EPB41: variants seen among roughly 807,000 people sequenced by gnomAD.
EPB41 encodes the protein protein 4.1.
EPB41 carries 65 observed loss-of-function variants against 108.0 expected under a neutral mutation model. That is an observed-to-expected ratio of 0.60 (90% CI 0.49 to 0.74). The LOEUF is 0.74. Ranked by LOEUF, EPB41 falls within the 30% of genes least tolerant of loss-of-function variation. The pLI is 0.00. For synonymous variants in EPB41, 336 were observed against 358.9 expected, an observed-to-expected ratio of 0.94 and a Z score of 0.72; for missense variants, 875 against 1,037.0, an observed-to-expected ratio of 0.84 and a Z score of 2.15.
chr1:29,008,624 A>G (rs991925361), intron 4 of EPB41, among the ~76,000 whole-genome samples: 1 of 152,182 alleles, frequency 6.6e-6, no homozygotes, highest in Admixed American at 6.5e-5. Context: ...CCCCCTGGCT[A>G]CAGTCATGCT....
chr1:29,063,366 G>A (rs749030228), intron 15 of EPB41, among the ~76,000 whole-genome samples: 1 of 152,142 alleles, frequency 6.6e-6, no homozygotes, highest in African/African-American at 2.4e-5. Context: ...CTATAGGATT[G>A]CCCTTTTGGA....
At chr1:29,052,153 A>T (rs1208851962) in intron 11 of EPB41, among the ~76,000 whole-genome samples, 1 of 152,226 alleles carries the variant, frequency 6.6e-6, no homozygotes, top group Non-Finnish European at 1.5e-5. Context: ...TGAAAAGATC[A>T]AGATTTTATC....
intron 16 of EPB41, among the ~76,000 whole-genome samples, chr1:29,083,275 C>G (rs144571105): frequency 6.6e-6 from 1 of 152,038 alleles, no homozygotes; most frequent in African/African-American, 2.4e-5. Flanking sequence ...AAAGGAAAGA[C>G]AGAATTTTAA....
rs1445200088 is a variant in EPB41, at chr1:29,035,876, A to G, written c.1416A>G (p.Ala472=). 3.7e-6 allele frequency: 6 copies of G among 1,614,030 alleles called. No homozygotes were observed. The highest frequency in any genetic ancestry group is 4.2e-6 in the Non-Finnish European group (5 of 1,179,992). The change falls in exon 10 of 21, where the codon GCA becomes GCG. Residue 472 remains alanine (A), a synonymous_variant. Coordinates refer to ENST00000343067, the MANE Select transcript of EPB41 (RefSeq NM_001376013.1). ...TIGFKLPSYR[A]AKKLWKVCVE... is the part of the protein sequence containing the mutation. ...GATTCAAACTTCCCAGTTACCGAGC[A>G]GCTAAGAAATTATGGAAAGTCTGTG...
intron 1 of EPB41, among the ~76,000 whole-genome samples, chr1:28,945,565 T>C (rs1347423493): frequency 6.6e-6 from 1 of 151,980 alleles, no homozygotes; most frequent in Non-Finnish European, 1.5e-5. Context: ...AAAAAAGGAG[T>C]TTCATAACTC....
intron 4 of EPB41, among the ~76,000 whole-genome samples, chr1:29,011,090 C>T (rs543297869): frequency 4.1e-5 from 6 of 146,070 alleles, no homozygotes; most frequent in African/African-American, 1.5e-4. Flanking sequence ...CGCCATTGCT[C>T]TCCAGCCTGG....
At chr1:28,991,501 C>T (rs1557939974) in intron 2 of EPB41, among the ~76,000 whole-genome samples, 1 of 151,482 alleles carries the variant, frequency 6.6e-6, no homozygotes, top group Non-Finnish European at 1.5e-5. Context: ...CCCCGGAGTT[C>T]GAGACCAACC....
intron 17 of EPB41, among the ~76,000 whole-genome samples, chr1:29,103,582 C>T (rs1026655173): frequency 3.3e-5 from 5 of 152,144 alleles, no homozygotes; most frequent in Non-Finnish European, 5.9e-5. Context: ...TATTATATTG[C>T]GTTGTTAAAC....
intron 16 of EPB41, among the ~76,000 whole-genome samples, chr1:29,087,032 C>T (rs531022403): frequency 5.3e-5 from 8 of 149,716 alleles, no homozygotes; most frequent in Non-Finnish European, 1.2e-4. Context: ...GCAAGCTCCG[C>T]CTCCTGGGTT....
chr1:28,902,281 G>A lies in EPB41; in HGVS notation c.-8+15071G>A, dbSNP rs1042939331. On this transcript the variant is annotated intron_variant, in intron 1 of 16. Coordinates refer to the EPB41 transcript ENST00000347529. ...TCTGATATTTTCTGCCAGGGCATCA[G>A]TTTCAATTGGAGTGCCCAAATCTTT... 4.1e-6 allele frequency: 4 copies of A among 985,318 alleles called. No individual in the cohort carries two copies. The African/African-American group carries it at 7.0e-5, about 17-fold the overall frequency. 61.0% of individuals were successfully genotyped at this position (985,318 alleles called of 1,614,324 possible). A position where few individuals can be genotyped will look rare whatever the true frequency, so the allele number is the denominator to read the frequency against.
chr1:28,969,670 C>A (rs912780616), intron 1 of EPB41, among the ~76,000 whole-genome samples: 6 of 151,890 alleles, frequency 4.0e-5, no homozygotes. Context: ...TAGGCTGAGG[C>A]GGGCGGATCA....
intron 2 of EPB41, among the ~76,000 whole-genome samples, chr1:28,991,509 A>G (rs2096017043): frequency 6.6e-6 from 1 of 151,676 alleles, no homozygotes. Context: ...TTCGAGACCA[A>G]CCTGGGCAAC....
chr1:29,016,301 G>A (rs1203278661), intron 6 of EPB41, among the ~76,000 whole-genome samples: 2 of 151,664 alleles, frequency 1.3e-5, no homozygotes, highest in East Asian at 1.9e-4. Flanking sequence ...TCAGCCTCCC[G>A]AGTAGCTGGG....
chr1:29,082,902 A>G (rs1051760060), intron 16 of EPB41, among the ~76,000 whole-genome samples: 1 of 152,206 alleles, frequency 6.6e-6, no homozygotes, highest in African/African-American at 2.4e-5. Context: ...TATAAAAACA[A>G]TGTTTGACAG....
At chr1:29,024,398 C>T (rs1158616316) in intron 7 of EPB41, among the ~76,000 whole-genome samples, 1 of 151,722 alleles carries the variant, frequency 6.6e-6, no homozygotes, top group Non-Finnish European at 1.5e-5. Flanking sequence ...CTTTGGGAGG[C>T]TGAGGCAGGT....
chr1:29,025,643 A>G (rs2096709297), intron 7 of EPB41, among the ~76,000 whole-genome samples: 1 of 152,036 alleles, frequency 6.6e-6, no homozygotes, highest in Admixed American at 6.5e-5. Flanking sequence ...ACATGCACAG[A>G]TGTCTGTGGG....
At chr1:28,910,373 C>T (rs1320080083), upstream of EPB41, among the ~76,000 whole-genome samples, 2 of 152,098 alleles carry the variant, frequency 1.3e-5, no homozygotes, top group African/African-American at 4.8e-5. Context: ...GCAAGCACTA[C>T]TCTTCATATA....
chr1:29,108,087 A>G (rs1270642133), intron 17 of EPB41, among the ~76,000 whole-genome samples: 1 of 149,520 alleles, frequency 6.7e-6, no homozygotes, highest in Non-Finnish European at 1.5e-5. Context: ...ATAAAATGCT[A>G]TACATGTGCT....
chr1:28,949,306 A>C (rs2094608966), intron 1 of EPB41, among the ~76,000 whole-genome samples: 1 of 152,122 alleles, frequency 6.6e-6, no homozygotes, highest in African/African-American at 2.4e-5. Flanking sequence ...TTAGCTAGGC[A>C]TGTGGTGTGC....
Sources: gnomAD v4.1 joint callset for allele counts (sites outside exome capture counted in the v4.1 genomes callset) on GRCh38, gnomAD v4.1.1 for gene constraint, MANE v1.5 for transcripts, NCBI Gene and HGNC (gene_info 2026-07-23, HGNC 2026-07-21) for gene names.